Variants in RGS12 observed in about 807,000 individuals in gnomAD.
RGS12 encodes the protein regulator of G protein signaling 12.
RGS12 carries 66 observed loss-of-function variants against 120.1 expected under a neutral mutation model. The observed-to-expected ratio is 0.55, with a 90% CI of 0.45 to 0.67. The LOEUF (loss-of-function observed/expected upper bound fraction) is 0.67. RGS12 is among the 30% of genes least tolerant of loss of function. The pLI, the probability that RGS12 is intolerant of heterozygous loss-of-function variation, is 0.00. For synonymous variants in RGS12, 827 were observed against 804.7 expected (o/e 1.03, Z -0.47); for missense variants, 1,859 against 1,957.7 (o/e 0.95, Z 0.95).
rs1234185208 is a variant in RGS12, at chr4:3,372,663, C to T, written c.1999-13753C>T. Among the ~76,000 whole-genome samples the T allele has an allele frequency of 6.6e-6, 1 of 152,228 alleles. No individual in the cohort carries two copies. Among genetic ancestry groups the T allele is most frequent in the African/African-American group, 2.4e-5 (1 of 41,452 alleles). On this transcript the variant is annotated intron_variant, in intron 3 of 17. Transcript: ENST00000336727. This position sits in a 1 kb window ranked among gnomAD's most constrained non-coding sequence, Gnocchi z 4.3. ...GACGTCTCAGGGTGTCCTTTCTTTCCTTCATGAGAAGAAGTTCTGCAGTGT... is the reference window on the plus strand; with the variant it reads ...GACGTCTCAGGGTGTCCTTTCTTTCTTTCATGAGAAGAAGTTCTGCAGTGT...
Position 3,366,192 on chromosome 4 carries a change from T to A in RGS12, c.1999-20224T>A, listed in dbSNP as rs1186565636. ...AGCCAGACTGTTAGGGGTTAGGGGT[T>A]AGGCACAGGGCTGGGGCGGGTGCTG... On this transcript the variant is annotated intron_variant, in intron 3 of 17. Transcript: ENST00000336727. This position sits in a 1 kb window ranked among gnomAD's most constrained non-coding sequence, Gnocchi z 4.0. Among the ~76,000 whole-genome samples, 3 of 151,742 alleles carry A rather than the reference T, an allele frequency of 2.0e-5. No homozygotes were observed. The highest frequency in any genetic ancestry group is 4.4e-5 in the Non-Finnish European group (3 of 67,910).
chr4:3,391,379 G>A (rs1719483115), intron 4 of RGS12, among the ~76,000 whole-genome samples: 1 of 152,192 alleles, frequency 6.6e-6, no homozygotes, highest in Non-Finnish European at 1.5e-5. Flanking sequence ...TTAATATTGT[G>A]AAATTATTTT....
At chr4:3,358,525 GT>G (rs1022525950) in intron 3 of RGS12, among the ~76,000 whole-genome samples, 2 of 150,452 alleles carry the variant, frequency 1.3e-5, no homozygotes, top group African/African-American at 2.4e-5. Flanking sequence ...TTTACTGAGT[GT>G]TTTTTTTTAA....
chr4:3,339,508 A>G (rs532062192), intron 2 of RGS12, among the ~76,000 whole-genome samples: 17 of 152,262 alleles, frequency 1.1e-4, no homozygotes, highest in Non-Finnish European at 1.9e-4. Flanking sequence ...AAACTCTCTT[A>G]TCACTGTCCA....
chr4:3,363,621 G>A (rs778802600), intron 3 of RGS12, among the ~76,000 whole-genome samples: 24 of 152,110 alleles, frequency 1.6e-4, no homozygotes, highest in Non-Finnish European at 1.8e-4. Flanking sequence ...TGGACGCAGC[G>A]TCCCGCTCAC....
At chr4:3,327,189 T>C (rs1474642436) in intron 2 of RGS12, among the ~76,000 whole-genome samples, 4 of 152,182 alleles carry the variant, frequency 2.6e-5, no homozygotes, top group African/African-American at 7.2e-5. Flanking sequence ...GAGCATACAA[T>C]GGGGAAAAGA....
At chr4:3,325,563 C>G (rs139487400) in intron 2 of RGS12, among the ~76,000 whole-genome samples, 286 of 152,252 alleles carry the variant, frequency 1.9e-3, no homozygotes, top group Middle Eastern at 3.4e-3. Flanking sequence ...CATCTCCTAA[C>G]AAAGAAAAGT....
intron 3 of RGS12, among the ~76,000 whole-genome samples, chr4:3,371,153 C>T (rs1716941132): frequency 1.3e-5 from 2 of 152,194 alleles, no homozygotes; most frequent in African/African-American, 4.8e-5. Flanking sequence ...CATGGGTCTG[C>T]TGGGCAGGGC....
intron 5 of RGS12, 121 bp downstream of exon 5, chr4:3,414,362 A>G: frequency 8.6e-7 from 1 of 1,161,708 alleles, no homozygotes; most frequent in South Asian, 1.6e-5. Flanking sequence ...GCCCCGTGGC[A>G]GGGGTCTCCC....
At chr4:3,416,267 G>A in intron 7 of RGS12, 146 bp downstream of exon 7, 2 of 919,854 alleles carry the variant, frequency 2.2e-6, no homozygotes, top group Non-Finnish European at 3.2e-6. Flanking sequence ...AGAAAGTGGG[G>A]CTTTCAGTAG....
At chr4:3,311,474 A>C (rs1250758115) in intron 1 of RGS12, among the ~76,000 whole-genome samples, 1 of 152,058 alleles carries the variant, frequency 6.6e-6, no homozygotes, top group Non-Finnish European at 1.5e-5. Flanking sequence ...TGTCCTCTTT[A>C]CACCATGAGT....
chr4:3,415,163 G>T (rs1722242934), intron 6 of RGS12, among the ~76,000 whole-genome samples: 1 of 150,872 alleles, frequency 6.6e-6, no homozygotes, highest in Admixed American at 6.6e-5. Flanking sequence ...GCGTGTGTGT[G>T]AGGGGCGTGT....
intron 16 of RGS12, among the ~76,000 whole-genome samples, chr4:3,429,100 TGGGCACCCA>T (rs1172171576): frequency 1.3e-5 from 2 of 152,208 alleles, no homozygotes; most frequent in African/African-American, 4.8e-5. Context: ...TAGGCAGAGC[TGGGCACCCA>T]GGTGAGGGGA....
intron 2 of RGS12, among the ~76,000 whole-genome samples, chr4:3,338,026 T>C (rs1333639010): frequency 2.0e-5 from 3 of 152,158 alleles, no homozygotes; most frequent in Admixed American, 6.5e-5. Flanking sequence ...TACGCCAAAA[T>C]GATTCTTTGC....
chr4:3,315,082 A>G (rs1680522936), intron 1 of RGS12: 1 of 152,244 alleles, frequency 6.6e-6, no homozygotes, highest in Admixed American at 6.5e-5. Context: ...TGGTGACGAC[A>G]CTGCACATGC....
intron 2 of RGS12, among the ~76,000 whole-genome samples, chr4:3,340,700 A>G (rs1712971985): frequency 6.6e-6 from 1 of 152,220 alleles, no homozygotes; most frequent in African/African-American, 2.4e-5. Context: ...GCTGATTTAC[A>G]GAAGGCAGGA....
the RGS12 span, among the ~76,000 whole-genome samples, chr4:3,287,881 T>G: frequency 6.6e-6 from 1 of 151,938 alleles, no homozygotes; most frequent in African/African-American, 2.4e-5. Context: ...GGGGCCTGGG[T>G]GGGGGCCCTC....
chr4:3,422,831 C>T, intron 11 of RGS12, 74 bp from the exon 12 acceptor site: 1 of 1,323,796 alleles, frequency 7.6e-7, no homozygotes, highest in Non-Finnish European at 1.1e-6. Flanking sequence ...CAGCTGTGTG[C>T]CTGGGGCACG....
intron 13 of RGS12, among the ~76,000 whole-genome samples, chr4:3,425,195 G>C (rs1334780612): frequency 6.6e-6 from 1 of 152,166 alleles, no homozygotes; most frequent in Non-Finnish European, 1.5e-5. Context: ...CAGCGTCCGA[G>C]GGTCAGTGTT....
Sources: allele counts gnomAD v4.1 joint callset (sites outside exome capture counted in the v4.1 genomes callset), GRCh38; gene constraint gnomAD v4.1.1; non-coding constraint Gnocchi (gnomAD v3.1); transcripts MANE v1.5; gene names NCBI Gene and HGNC (gene_info 2026-07-23, HGNC 2026-07-21).